The following SNX5 variants were observed in gnomAD, a reference collection of about 807,000 sequenced individuals.
The protein encoded by SNX5 is sorting nexin 5.
A neutral mutation model predicts 53.9 loss-of-function variants in SNX5; 31 were observed. The observed-to-expected ratio is 0.58, with a 90% confidence interval of 0.43 to 0.78. The LOEUF (loss-of-function observed/expected upper bound fraction) is 0.78. Among genes scored for constraint, SNX5 ranks in the 30% least tolerant of loss-of-function variants. SNX5 has a pLI of 0.00. For missense variants in SNX5, 471 were observed against 478.8 expected, an observed-to-expected ratio of 0.98 and a Z score of 0.15; for synonymous variants, 168 against 171.1, an observed-to-expected ratio of 0.98 and a Z score of 0.14.
rs1056805187 is a variant in SNX5 at position 17,947,736 on chromosome 20, G to A, written c.919-91C>T. On this transcript the variant is annotated intron_variant, in intron 10 of 12. Transcript: ENST00000377759. ...CCAATGTACCACCTGAGATGTTAGT[G>A]GCAATAATCTACCTCTACACCTTCC... The A allele has an allele frequency of 6.4e-6, 7 of 1,093,226 alleles. No homozygotes were observed. In the African/African-American group the frequency reaches 8.0e-5, roughly 12 times the overall value. 67.7% of individuals were successfully genotyped at this position (1,093,226 alleles called of 1,614,324 possible).
chr20:17,966,905 A>T (rs951069187), intron 1 of SNX5, among the ~76,000 whole-genome samples: 1 of 152,212 alleles, frequency 6.6e-6, no homozygotes, highest in African/African-American at 2.4e-5. Context: ...AGAGATCAGA[A>T]AACAAAAATA....
At chr20:17,949,656 G>A (rs1021423897) in intron 8 of SNX5, among the ~76,000 whole-genome samples, 1 of 152,152 alleles carries the variant, frequency 6.6e-6, no homozygotes, top group African/African-American at 2.4e-5. Context: ...CAAAACAGCT[G>A]TGTGTTAGAC....
intron 10 of SNX5, among the ~76,000 whole-genome samples, chr20:17,948,389 ACT>A (rs1568588995): frequency 1.3e-5 from 2 of 152,126 alleles, no homozygotes; most frequent in African/African-American, 2.4e-5. Flanking sequence ...AATTTTTTTT[ACT>A]CTTTTACTTT....
chr20:17,953,274 AG>A (rs2039595070), intron 4 of SNX5, among the ~76,000 whole-genome samples: 1 of 152,098 alleles, frequency 6.6e-6, no homozygotes, highest in African/African-American at 2.4e-5. Context: ...GGGTTTGGAG[AG>A]GGGGAGCTGA....
intron 10 of SNX5, 60 bp from the exon 11 acceptor site, chr20:17,947,705 C>T: frequency 2.1e-6 from 3 of 1,448,224 alleles, no homozygotes; most frequent in Non-Finnish European, 2.8e-6. Flanking sequence ...AAAAATAGCC[C>T]AAGTGCCAAT....
chr20:17,953,182 A>G (rs1042854031), intron 4 of SNX5, among the ~76,000 whole-genome samples: 1 of 152,160 alleles, frequency 6.6e-6, no homozygotes, highest in Non-Finnish European at 1.5e-5. Flanking sequence ...CTCATTCCCC[A>G]GAGCTGGTCC....
intron 11 of SNX5, 167 bp downstream of exon 11, chr20:17,947,319 C>G (rs144441310): frequency 3.0e-6 from 2 of 661,648 alleles, no homozygotes; most frequent in East Asian, 5.8e-5. Flanking sequence ...TTTGTAAGCA[C>G]GCAAAGCCAT....
chr20:17,948,040 C>G (rs536352663), intron 10 of SNX5, among the ~76,000 whole-genome samples: 1 of 152,320 alleles, frequency 6.6e-6, no homozygotes, highest in East Asian at 1.9e-4. Flanking sequence ...AAACATAACC[C>G]TACCCTGCAA....
rs149903357 is a variant in SNX5 at position 17,949,956 on chromosome 20, T to C, written c.791+176A>G. On this transcript the variant is annotated intron_variant, in intron 8 of 12. Transcript: ENST00000377759. ...ATAGAAGAGCCCAAGTCCCCTACAA[T>C]TGTCTTACAAGTGTCTTATGTCCAG... Among the ~76,000 whole-genome samples, 238 of 152,328 alleles carry C rather than the reference T, an allele frequency of 1.6e-3. 1 individual carries two copies. The highest frequency in any genetic ancestry group is 3.4e-3 in the Middle Eastern group (1 of 294).
chr20:17,946,469 T>C (rs1187415831), intron 11 of SNX5, among the ~76,000 whole-genome samples: 1 of 152,220 alleles, frequency 6.6e-6, no homozygotes, highest in Non-Finnish European at 1.5e-5. Flanking sequence ...GGTGCTCCTA[T>C]TGGCAAAGTC....
chr20:17,962,850 G>C (rs2035480313), intron 1 of SNX5: 1 of 519,046 alleles, frequency 1.9e-6, no homozygotes, highest in African/African-American at 1.9e-5. Flanking sequence ...GGCATTTTCA[G>C]GCTACATAGC....
intron 10 of SNX5, among the ~76,000 whole-genome samples, 182 bp from the exon 11 acceptor site, chr20:17,947,827 A>T (rs1027640763): frequency 6.6e-6 from 1 of 152,230 alleles, no homozygotes; most frequent in African/African-American, 2.4e-5. Flanking sequence ...CTTTGTTGAG[A>T]GCTTTTTTTA....
intron 1 of SNX5, among the ~76,000 whole-genome samples, chr20:17,965,093 C>T (rs2035516641): frequency 6.6e-6 from 1 of 152,178 alleles, no homozygotes. Context: ...AAATTCGCAA[C>T]AAGCACACAA....
In SNX5 at chr20:17,955,525, G is replaced by T. The variant is rs186257878; in HGVS notation, c.157-50C>A. ...TGGTAACCACGACTTTTAGATAAGT[G>T]ATCTGGGTTTCCTAGGCTACACAGT... is the stretch of plus-strand genomic sequence containing the variant. On this transcript the variant is annotated intron_variant, in intron 2 of 12. Transcript: ENST00000377759. The T allele has an allele frequency of 7.3e-4, 954 of 1,308,592 alleles. 2 individuals carry two copies. The highest frequency in any genetic ancestry group is 7.9e-4 in the Non-Finnish European group (714 of 904,364). 81.1% of individuals were successfully genotyped at this position (1,308,592 alleles called of 1,614,324 possible).
intron 1 of SNX5, among the ~76,000 whole-genome samples, chr20:17,964,619 C>T (rs1296884949): frequency 2.0e-5 from 3 of 152,168 alleles, no homozygotes; most frequent in African/African-American, 7.2e-5. Flanking sequence ...ACTTAATTTA[C>T]ACTTTAATAG....
chr20:17,951,651 TAAA>T (rs1367986521), intron 5 of SNX5, 56 bp from the exon 6 acceptor site: 2 of 1,203,170 alleles, frequency 1.7e-6, no homozygotes, highest in Admixed American at 1.7e-5. Flanking sequence ...TAGATTCTCT[TAAA>T]GAAGTTCTGA....
intron 4 of SNX5, among the ~76,000 whole-genome samples, chr20:17,953,770 T>C (rs2035306145): frequency 6.6e-6 from 1 of 152,226 alleles, no homozygotes; most frequent in Non-Finnish European, 1.5e-5. Flanking sequence ...ACAACTACTC[T>C]ATCGGGTATT....
At chr20:17,964,724 A>G (rs1419117581) in intron 1 of SNX5, among the ~76,000 whole-genome samples, 3 of 152,224 alleles carry the variant, frequency 2.0e-5, no homozygotes, top group African/African-American at 7.2e-5. Context: ...GCTATTTAAG[A>G]CATTCAGGGT....
chr20:17,948,998 A>G (rs1239773667), intron 9 of SNX5, 22 bp from the exon 10 acceptor site: 1 of 1,609,612 alleles, frequency 6.2e-7, no homozygotes, highest in African/African-American at 1.3e-5. Flanking sequence ...AGGAAAGGTC[A>G]CCATCAAGGC....
Sources: gnomAD v4.1 joint callset for allele counts (sites outside exome capture counted in the v4.1 genomes callset) on GRCh38, gnomAD v4.1.1 for gene constraint, MANE v1.5 for transcripts, NCBI Gene and HGNC (gene_info 2026-07-23, HGNC 2026-07-21) for gene names.